Variants in PCDHGA10 observed in about 807,000 individuals in gnomAD.
The protein encoded by PCDHGA10 is protocadherin gamma subfamily A, 10.
A neutral mutation model predicts 59.5 loss-of-function variants in PCDHGA10; 42 were observed. The ratio of observed to expected loss-of-function variants is 0.71; its 90% CI spans 0.55 to 0.91. PCDHGA10 has a LOEUF of 0.91. Ranked by LOEUF, PCDHGA10 falls within the 40% of genes least tolerant of loss-of-function variation. The pLI is 0.00. For synonymous variants in PCDHGA10, 511 were observed against 517.2 expected (o/e 0.99, Z 0.16); for missense variants, 1,111 against 1,198.2 (o/e 0.93, Z 1.07).
In PCDHGA10 at chr5:141,490,795, C is replaced by A; in HGVS notation, c.2437-4012C>A. The A allele has an allele frequency of 1.3e-5, 21 of 1,614,036 alleles. No homozygotes were observed. Among genetic ancestry groups the A allele is most frequent in the Non-Finnish European group, 1.8e-5 (21 of 1,179,922 alleles). On this transcript the variant is annotated intron_variant, in intron 1 of 3. Coordinates refer to ENST00000398610, the MANE Select transcript of PCDHGA10 (RefSeq NM_018913.3). This position sits in a 1 kb window ranked among gnomAD's most constrained non-coding sequence, Gnocchi z 5.4. ...CCCAGAGGATGGACGGATCTTTGCC[C>A]AGCGTACCTTTGACTATGAATTGCT...
chr5:141,464,773 C>G (rs576769467), intron 1 of PCDHGA10, among the ~76,000 whole-genome samples: 79 of 152,106 alleles, frequency 5.2e-4, no homozygotes, highest in African/African-American at 1.9e-3. Context: ...GAATCTTGTT[C>G]TGTTGCCCAG....
At position 141,489,090 on chromosome 5, in the gene PCDHGA10, C is replaced by A; in HGVS notation, c.2437-5717C>A. On this transcript the variant is annotated intron_variant, in intron 1 of 3. Transcript: ENST00000398610. The surrounding 1 kb of genome is among the most constrained non-coding windows in gnomAD (Gnocchi z 4.5). Reference sequence around the variant, plus strand: ...CCTGCCCACCCCCGCCACTCGGTGACTAAGAACTGCTGCAAGCAGGCAAAC... The same window carrying A: ...CCTGCCCACCCCCGCCACTCGGTGAATAAGAACTGCTGCAAGCAGGCAAAC... The A allele has an allele frequency of 1.5e-5, 5 of 328,802 alleles. No individual in the cohort carries two copies. The highest frequency in any genetic ancestry group is 4.8e-5 in the East Asian group (1 of 20,928). 20.4% of individuals were successfully genotyped at this position (328,802 alleles called of 1,614,324 possible).
intron 1 of PCDHGA10, chr5:141,418,797 A>T (rs201246978): frequency 1.9e-6 from 3 of 1,613,896 alleles, no homozygotes; most frequent in Non-Finnish European, 2.5e-6. Flanking sequence ...GAAGAAGTAG[A>T]AAGATATACG....
chr5:141,486,561 T>C lies in PCDHGA10; in HGVS notation c.2437-8246T>C. ...TTCTTTCAGAGGTCACATGAGGTGT[T>C]TGTTCCTGAGAACAATCGCCCAGGG... On this transcript the variant is annotated intron_variant, in intron 1 of 3. Transcript: ENST00000398610. This position sits in a 1 kb window ranked among gnomAD's most constrained non-coding sequence, Gnocchi z 5.0. 6.2e-7 allele frequency: 1 copy of C among 1,614,076 alleles called. No individual in the cohort carries two copies. Among genetic ancestry groups the C allele is most frequent in the Non-Finnish European group, 8.5e-7 (1 of 1,180,030 alleles).
At position 141,499,673 on chromosome 5, in the gene PCDHGA10, C is replaced by A. The variant is rs1193484216; in HGVS notation, c.2495+4808C>A. Among the ~76,000 whole-genome samples the A allele has an allele frequency of 2.7e-5, 4 of 150,550 alleles. No individual in the cohort carries two copies. In the East Asian group the frequency reaches 7.8e-4, roughly 29 times the overall value. On this transcript the variant is annotated intron_variant, in intron 2 of 3. Transcript: ENST00000398610. ...CATATAATTTCATCTTGGTCTCCACCATCTTTAACAGATGACTTTTTTTTT... is the reference window on the plus strand; with the variant it reads ...CATATAATTTCATCTTGGTCTCCACAATCTTTAACAGATGACTTTTTTTTT...
Position 141,431,628 on chromosome 5 carries a change from A to T in PCDHGA10, c.2436+16017A>T, listed in dbSNP as rs1204083567. The T allele has an allele frequency of 6.2e-7, 1 of 1,614,138 alleles. No individual in the cohort carries two copies. Among genetic ancestry groups the T allele is most frequent in the Non-Finnish European group, 8.5e-7 (1 of 1,180,058 alleles). ...CGGTATGTGGACGACAAGGCGGCCC[A>T]AGTTTTCAAACTAGATTGTAATTCA... On this transcript the variant is annotated intron_variant, in intron 1 of 3. Coordinates refer to ENST00000398610, the MANE Select transcript of PCDHGA10 (RefSeq NM_018913.3). The surrounding 1 kb of genome is among the most constrained non-coding windows in gnomAD (Gnocchi z 4.8).
At position 141,413,411 on chromosome 5, in the gene PCDHGA10, T is replaced by TC; in HGVS notation, c.237dup (p.Ser80LeufsTer32). 6.2e-7 allele frequency: 1 copy of TC among 1,614,038 alleles called. No individual in the cohort carries two copies. Among genetic ancestry groups the TC allele is most frequent in the Non-Finnish European group, 8.5e-7 (1 of 1,179,940 alleles). On this transcript the variant is annotated frameshift_variant, in exon 1 of 4. Coordinates refer to ENST00000398610, the MANE Select transcript of PCDHGA10 (RefSeq NM_018913.3). LOFTEE classifies it high-confidence loss of function. Reference sequence around the variant, plus strand: ...GTCTCCAGAGGTAGGACGCAGCTTTTCTCTCTGAACCCGCGCAGCGGCAGC... The same window carrying TC: ...GTCTCCAGAGGTAGGACGCAGCTTTTCCTCTCTGAACCCGCGCAGCGGCAGC...
In PCDHGA10 at chr5:141,417,986, A is replaced by G. The variant is rs777967345; in HGVS notation, c.2436+2375A>G. On this transcript the variant is annotated intron_variant, in intron 1 of 3. Coordinates refer to ENST00000398610, the MANE Select transcript of PCDHGA10 (RefSeq NM_018913.3). ...CTACTCGATTCCGGAGGAGCTGGCC[A>G]AGGGCTCGGTGGTGGGGAACCTCGC... The G allele has an allele frequency of 9.9e-6, 16 of 1,613,490 alleles. No individual in the cohort carries two copies. Among genetic ancestry groups the G allele is most frequent in the Non-Finnish European group, 1.4e-5 (16 of 1,179,718 alleles).
rs769074023 is a variant in PCDHGA10 at position 141,491,738 on chromosome 5, G to T, written c.2437-3069G>T. On this transcript the variant is annotated intron_variant, in intron 1 of 3. Transcript: ENST00000398610. The surrounding 1 kb of genome is among the most constrained non-coding windows in gnomAD (Gnocchi z 6.9). The stretch of plus-strand genomic sequence containing the variant: ...GCGCCGCCCCGGGCGACCCCTGGGG[G>T]CGGCACTGGAGAAGCCGCCCGTCCT... 38 of 1,600,228 alleles carry T rather than the reference G, an allele frequency of 2.4e-5. No homozygotes were observed. The highest frequency in any genetic ancestry group is 3.1e-5 in the Non-Finnish European group (36 of 1,174,204).
At chr5:141,510,898 T>C in intron 3 of PCDHGA10, 49 bp from the exon 4 acceptor site, 1 of 1,613,278 alleles carries the variant, frequency 6.2e-7, no homozygotes, top group Non-Finnish European at 8.5e-7. Context: ...ACAGTGACTG[T>C]TGAGGACCCT....
intron 1 of PCDHGA10, among the ~76,000 whole-genome samples, chr5:141,437,426 C>T (rs531265278): frequency 6.6e-6 from 1 of 152,268 alleles, no homozygotes; most frequent in South Asian, 2.1e-4. Flanking sequence ...CTTTTTGAAG[C>T]AGCAATAGCA....
chr5:141,435,059 G>A (rs2097741198), intron 1 of PCDHGA10, among the ~76,000 whole-genome samples: 1 of 152,042 alleles, frequency 6.6e-6, no homozygotes, highest in Non-Finnish European at 1.5e-5. Context: ...CCATGCAGCA[G>A]TTTTGTGTAG....
chr5:141,447,775 AT>A (rs1463090729), intron 1 of PCDHGA10, among the ~76,000 whole-genome samples: 2 of 152,212 alleles, frequency 1.3e-5, no homozygotes, highest in Non-Finnish European at 2.9e-5. Flanking sequence ...TTATACTTTA[AT>A]TGAAAATAAA....
chr5:141,490,412 C>T lies in PCDHGA10; in HGVS notation c.2437-4395C>T, dbSNP rs2233605. 10 of 1,614,062 alleles carry T rather than the reference C, an allele frequency of 6.2e-6. No homozygotes were observed. The highest frequency in any genetic ancestry group is 4.0e-5 in the African/African-American group (3 of 74,910). Reference sequence around the variant, plus strand: ...GGTGAAGTGAGCCTTGATATCTCTCCGGACCTGCCATTTCAGATTAAGCCT... The same window carrying T: ...GGTGAAGTGAGCCTTGATATCTCTCTGGACCTGCCATTTCAGATTAAGCCT... On this transcript the variant is annotated intron_variant, in intron 1 of 3. Transcript: ENST00000398610. This position sits in a 1 kb window ranked among gnomAD's most constrained non-coding sequence, Gnocchi z 5.4.
rs187488785 is a variant in PCDHGA10 at position 141,461,744 on chromosome 5, C to T, written c.2437-33063C>T. 5.9e-5 allele frequency among the ~76,000 whole-genome samples: 9 copies of T among 152,302 alleles called. No individual in the cohort carries two copies. The East Asian group carries it at 1.7e-3, about 29-fold the overall frequency. On this transcript the variant is annotated intron_variant, in intron 1 of 3. Transcript: ENST00000398610. ...GGAGTGCAGTGGCACAATCCCGGCT[C>T]CCAGATTCAAGCGATTCTCCTGCCT...
chr5:141,445,034 A>T (rs963629240), intron 1 of PCDHGA10, among the ~76,000 whole-genome samples: 4 of 152,156 alleles, frequency 2.6e-5, no homozygotes, highest in Admixed American at 2.0e-4. Context: ...GCTATGTTGT[A>T]TAGTTTTCAG....
chr5:141,450,903 C>T (rs1468232105), intron 1 of PCDHGA10, among the ~76,000 whole-genome samples: 3 of 151,086 alleles, frequency 2.0e-5, no homozygotes, highest in African/African-American at 7.3e-5. Context: ...CGGCTCACTG[C>T]AACCGCTGCC....
chr5:141,497,885 A>T (rs1469477968), intron 2 of PCDHGA10, among the ~76,000 whole-genome samples: 1 of 152,166 alleles, frequency 6.6e-6, no homozygotes, highest in Non-Finnish European at 1.5e-5. Flanking sequence ...AAGCGTTAGG[A>T]TCTAGTCCAG....
At position 141,477,213 on chromosome 5, in the gene PCDHGA10, C is replaced by G; in HGVS notation, c.2437-17594C>G. ...TACAGCCCAGTACCCGAGGATGCCC[C>G]TCTGGGGACTGTCATCGCTTTGCTC... is the stretch of plus-strand genomic sequence containing the variant. On this transcript the variant is annotated intron_variant, in intron 1 of 3. Coordinates refer to ENST00000398610, the MANE Select transcript of PCDHGA10 (RefSeq NM_018913.3). The surrounding 1 kb of genome is among the most constrained non-coding windows in gnomAD (Gnocchi z 4.9). 6.2e-7 allele frequency: 1 copy of G among 1,614,184 alleles called. No individual in the cohort carries two copies.
Sources: allele counts gnomAD v4.1 joint callset (sites outside exome capture counted in the v4.1 genomes callset), GRCh38; gene constraint gnomAD v4.1.1; non-coding constraint Gnocchi (gnomAD v3.1); transcripts MANE v1.5; gene names NCBI Gene and HGNC (gene_info 2026-07-23, HGNC 2026-07-21).